The following SLC35F2 variants were observed in gnomAD, a reference collection of about 807,000 sequenced individuals.
The protein encoded by SLC35F2 is queuine/queuosine transporter SLC35F2.
Under a neutral mutation model 38.1 loss-of-function variants are expected in SLC35F2, and 25 were observed. The ratio of observed to expected loss-of-function variants is 0.66; its 90% CI spans 0.48 to 0.92. The LOEUF (loss-of-function observed/expected upper bound fraction) is 0.92. SLC35F2 is among the 40% of genes least tolerant of loss of function. SLC35F2 has a pLI of 0.00. For missense variants in SLC35F2, 409 were observed against 452.9 expected (o/e 0.90, Z 0.88); for synonymous variants, 173 against 181.7 (o/e 0.95, Z 0.38).
Position 107,811,703 on chromosome 11 carries a change from G to A in SLC35F2, c.378C>T (p.Val126=), listed in dbSNP as rs1859482343. The A allele has an allele frequency of 1.2e-6, 2 of 1,614,030 alleles. No individual in the cohort carries two copies. The highest frequency in any genetic ancestry group is 1.7e-6 in the Non-Finnish European group (2 of 1,179,924). The change falls in exon 3 of 8, where the codon GTC becomes GTT. Residue 126 remains valine, a synonymous_variant. Transcript: ENST00000525815. ...LADVEANYVI[V]RAYQYTTLTS... ...TTAGAGTTGTGTACTGGTAGGCTCT[G>A]ACGATCACATAATTAGCTTCCACAT...
At chr11:107,836,727 C>T (rs1859936750) in intron 1 of SLC35F2, among the ~76,000 whole-genome samples, 2 of 152,166 alleles carry the variant, frequency 1.3e-5, no homozygotes, top group South Asian at 2.1e-4. Flanking sequence ...ATTTTTAGCC[C>T]GGGAAGATGA....
At chr11:107,802,007 G>A (rs1365683643) in intron 7 of SLC35F2, among the ~76,000 whole-genome samples, 1 of 152,140 alleles carries the variant, frequency 6.6e-6, no homozygotes, top group Non-Finnish European at 1.5e-5. Context: ...GGGAGGCTGA[G>A]GCAGGCAGAT....
At chr11:107,806,555 T>C (rs746659350) in intron 4 of SLC35F2, 162 bp downstream of exon 4, 53 of 659,044 alleles carry the variant, frequency 8.0e-5, no homozygotes, top group Non-Finnish European at 1.4e-4. Flanking sequence ...AATTAGATTT[T>C]ATACTATCAA....
chr11:107,852,381 C>G (rs1469109481), intron 1 of SLC35F2, among the ~76,000 whole-genome samples: 2 of 152,060 alleles, frequency 1.3e-5, no homozygotes, highest in Non-Finnish European at 2.9e-5. Flanking sequence ...GAAACCCCGT[C>G]TCTACTAAAA....
chr11:107,847,290 A>G (rs1302248025), intron 1 of SLC35F2, among the ~76,000 whole-genome samples: 1 of 152,076 alleles, frequency 6.6e-6, no homozygotes, highest in East Asian at 1.9e-4. Context: ...AGCTCCAGAA[A>G]GTTTCCTGTC....
At chr11:107,841,700 A>G (rs1860014576) in intron 1 of SLC35F2, among the ~76,000 whole-genome samples, 1 of 152,072 alleles carries the variant, frequency 6.6e-6, no homozygotes, top group South Asian at 2.1e-4. Flanking sequence ...GGCCGGGCGC[A>G]GTGGCTCACA....
chr11:107,805,312 A>T (rs781731970), intron 5 of SLC35F2, 47 bp downstream of exon 5: 2 of 1,541,254 alleles, frequency 1.3e-6, no homozygotes, highest in Admixed American at 4.0e-5. Flanking sequence ...TATCATCTAT[A>T]ATATATTTGC....
Position 107,817,044 on chromosome 11 carries a change from G to A in SLC35F2, c.111-1079C>T, listed in dbSNP as rs1161369486. Among the ~76,000 whole-genome samples the A allele has an allele frequency of 3.9e-5, 6 of 152,154 alleles. 1 individual carries two copies. The highest frequency in any genetic ancestry group is 1.2e-4 in the African/African-American group (5 of 41,442). On this transcript the variant is annotated intron_variant, in intron 1 of 7. Transcript: ENST00000525815. ...TGTAACCCCAGTACTTTGGGAGGCCGAGGCAGGCAGATCACTTGAGGTTGA... is the reference window on the plus strand; with the variant it reads ...TGTAACCCCAGTACTTTGGGAGGCCAAGGCAGGCAGATCACTTGAGGTTGA...
intron 1 of SLC35F2, among the ~76,000 whole-genome samples, chr11:107,841,542 G>A (rs992721239): frequency 1.7e-4 from 19 of 109,230 alleles, no homozygotes; most frequent in African/African-American, 5.9e-4. Flanking sequence ...CAGCCTAGAC[G>A]AAAGAGACTC....
At chr11:107,837,683 G>C (rs1037623590) in intron 1 of SLC35F2, among the ~76,000 whole-genome samples, 1 of 152,050 alleles carries the variant, frequency 6.6e-6, no homozygotes, top group Non-Finnish European at 1.5e-5. Flanking sequence ...GACAGAGTGA[G>C]AGTTTGTCTC....
At chr11:107,798,908 T>C (rs1399981266) in intron 7 of SLC35F2, among the ~76,000 whole-genome samples, 1 of 152,124 alleles carries the variant, frequency 6.6e-6, no homozygotes, top group Non-Finnish European at 1.5e-5. Context: ...AAACCCCGTC[T>C]CTACTAAAAA....
At chr11:107,830,686 C>T (rs1859826059) in intron 1 of SLC35F2, among the ~76,000 whole-genome samples, 1 of 151,638 alleles carries the variant, frequency 6.6e-6, no homozygotes, top group Non-Finnish European at 1.5e-5. Flanking sequence ...CCTACATGTA[C>T]CCATGCCAAG....
chr11:107,843,744 T>A (rs1030028293), intron 1 of SLC35F2, among the ~76,000 whole-genome samples: 4 of 149,480 alleles, frequency 2.7e-5, no homozygotes, highest in Non-Finnish European at 5.9e-5. Flanking sequence ...TCCTAGCTAC[T>A]CTGGAGGCCA....
At chr11:107,858,374 A>C in intron 1 of SLC35F2, 1 of 261,892 alleles carries the variant, frequency 3.8e-6, no homozygotes, top group Non-Finnish European at 7.0e-6. Context: ...GCCCCAGAGG[A>C]CCGACCTAAT....
chr11:107,831,504 C>T (rs1033232899), intron 1 of SLC35F2, among the ~76,000 whole-genome samples: 3 of 152,194 alleles, frequency 2.0e-5, no homozygotes, highest in Non-Finnish European at 4.4e-5. Context: ...GGATTATAGA[C>T]GTGCACCACC....
At chr11:107,807,013 A>G in intron 3 of SLC35F2, 137 bp from the exon 4 acceptor site, 1 of 715,330 alleles carries the variant, frequency 1.4e-6, no homozygotes, top group Non-Finnish European at 2.2e-6. Flanking sequence ...GCCCTGTACT[A>G]AGAGCTTTAC....
At position 107,815,973 on chromosome 11, in the gene SLC35F2, A is replaced by C. The variant is rs1859566470; in HGVS notation, c.111-8T>G. On this transcript the variant is annotated splice_region_variant and splice_polypyrimidine_tract_variant and intron_variant, in intron 1 of 7. Coordinates refer to ENST00000525815, the MANE Select transcript of SLC35F2 (RefSeq NM_017515.5). ...ATTGTTTTCAAAATATTCCTAGAAAATAAGGGAAGAAATCAGAACAGCATG... is the reference window on the plus strand; with the variant it reads ...ATTGTTTTCAAAATATTCCTAGAAACTAAGGGAAGAAATCAGAACAGCATG... The C allele has an allele frequency of 6.2e-7, 1 of 1,610,472 alleles. No homozygotes were observed. The highest frequency in any genetic ancestry group is 8.5e-7 in the Non-Finnish European group (1 of 1,178,402).
intron 1 of SLC35F2, among the ~76,000 whole-genome samples, chr11:107,831,587 A>G (rs970615747): frequency 2.0e-5 from 3 of 152,312 alleles, no homozygotes; most frequent in East Asian, 1.9e-4. Context: ...GTGGGGGGAC[A>G]TGTAATTTCT....
intron 2 of SLC35F2, among the ~76,000 whole-genome samples, chr11:107,815,146 G>T (rs138425620): frequency 6.6e-6 from 1 of 152,158 alleles, no homozygotes; most frequent in African/African-American, 2.4e-5. Flanking sequence ...TATTTAGTTG[G>T]AAGTAAATAT....
Sources: gnomAD v4.1 joint callset for allele counts (sites outside exome capture counted in the v4.1 genomes callset) on GRCh38, gnomAD v4.1.1 for gene constraint, MANE v1.5 for transcripts, NCBI Gene and HGNC (gene_info 2026-07-23, HGNC 2026-07-21) for gene names.